Variants in CLDN10 observed in about 807,000 individuals in gnomAD.
The protein encoded by CLDN10 is claudin 10.
In CLDN10, 15 loss-of-function variants were observed where a neutral mutation model predicts 22.9. The ratio of observed to expected loss-of-function variants is 0.65; its 90% CI spans 0.44 to 1.01. CLDN10 has a LOEUF of 1.01. Among genes scored for constraint, CLDN10 ranks in the 50% least tolerant of loss-of-function variants. The probability of loss-of-function intolerance (pLI) is 0.00; values close to 1 mark genes in which losing one functional copy is unlikely to be tolerated. For synonymous variants in CLDN10, 114 were observed against 111.4 expected, an observed-to-expected ratio of 1.02 and a Z score of -0.15; for missense variants, 247 against 287.8, an observed-to-expected ratio of 0.86 and a Z score of 1.03.
chr13:95,477,467 G>A (rs1183243763), intron 1 of CLDN10, among the ~76,000 whole-genome samples: 3 of 152,134 alleles, frequency 2.0e-5, no homozygotes, highest in African/African-American at 4.8e-5. Flanking sequence ...CATATCACCC[G>A]GAGGACTCCT....
At chr13:95,480,157 C>T (rs1594548964) in intron 1 of CLDN10, among the ~76,000 whole-genome samples, 1 of 152,126 alleles carries the variant, frequency 6.6e-6, no homozygotes, top group Non-Finnish European at 1.5e-5. Context: ...TCTTGTGAGA[C>T]TCACGATCAC....
At chr13:95,551,311 G>A (rs193023848), upstream of CLDN10, among the ~76,000 whole-genome samples, 2 of 152,326 alleles carry the variant, frequency 1.3e-5, no homozygotes, top group Admixed American at 1.3e-4. Flanking sequence ...AAACAGAATA[G>A]ATACGTTGCC....
chr13:95,500,983 G>C (rs558062396), intron 1 of CLDN10, among the ~76,000 whole-genome samples: 22 of 151,556 alleles, frequency 1.5e-4, no homozygotes, highest in Non-Finnish European at 2.9e-4. Context: ...GATCATTTTG[G>C]TCTTTTTAAA....
intron 1 of CLDN10, among the ~76,000 whole-genome samples, chr13:95,538,626 G>A (rs1352963335): frequency 6.6e-6 from 1 of 152,112 alleles, no homozygotes; most frequent in Admixed American, 6.6e-5. Context: ...GCTGCATCTT[G>A]GCCAGCTTCC....
In CLDN10 at chr13:95,552,992, C is replaced by T. The variant is rs1403635224; in HGVS notation, c.220+19C>T. ...CTGGACGGTCTGCATCCCCGCGGCC[C>T]CCGCCCTCAGCCCTCCTTCCTTGAT... On this transcript the variant is annotated intron_variant, in intron 1 of 4. Transcript: ENST00000299339. The T allele has an allele frequency of 1.2e-6, 2 of 1,612,410 alleles. No individual in the cohort carries two copies. Among genetic ancestry groups the T allele is most frequent in the Non-Finnish European group, 8.5e-7 (1 of 1,179,602 alleles).
At position 95,459,474 on chromosome 13, in the gene CLDN10, T is replaced by C. The variant is rs572476287; in HGVS notation, c.214+25427T>C. 3.3e-5 allele frequency among the ~76,000 whole-genome samples: 5 copies of C among 152,358 alleles called. No homozygotes were observed. The South Asian group carries it at 1.0e-3, about 32-fold the overall frequency. On this transcript the variant is annotated intron_variant, in intron 1 of 4. Transcript: ENST00000376873. The stretch of plus-strand genomic sequence containing the variant: ...AGGTTCTCAAACCTCAATTATTAAC[T>C]TCTGTGCACCTGAAGGCCCAACACA...
intron 1 of CLDN10, among the ~76,000 whole-genome samples, chr13:95,491,685 G>A (rs1479804006): frequency 6.6e-6 from 1 of 151,798 alleles, no homozygotes; most frequent in South Asian, 2.1e-4. Flanking sequence ...ATTTCTTCTT[G>A]GTTTGGATCC....
At chr13:95,509,334 G>A (rs1014866191) in intron 1 of CLDN10, among the ~76,000 whole-genome samples, 1 of 152,194 alleles carries the variant, frequency 6.6e-6, no homozygotes, top group African/African-American at 2.4e-5. Flanking sequence ...ACAATGGCAA[G>A]TGTATGAAGA....
chr13:95,508,883 G>T (rs9524994), intron 1 of CLDN10, among the ~76,000 whole-genome samples: 47,984 of 152,078 alleles, frequency 0.32, 8,980 homozygotes, highest in Non-Finnish European at 0.41. Flanking sequence ...GATGAGCGTT[G>T]TTTCATAAGG....
chr13:95,478,894 G>A (rs2139112232), intron 1 of CLDN10, among the ~76,000 whole-genome samples: 1 of 152,334 alleles, frequency 6.6e-6, no homozygotes, highest in South Asian at 2.1e-4. Flanking sequence ...GGAGTTATAG[G>A]TCACTGGCCA....
rs368313176 is a variant in CLDN10 at position 95,552,940 on chromosome 13, T to C, written c.187T>C (p.Cys63Arg). The C allele has an allele frequency of 1.7e-4, 278 of 1,613,956 alleles. 1 individual carries two copies. The highest frequency in any genetic ancestry group is 2.3e-4 in the Non-Finnish European group (277 of 1,180,000). The change falls in exon 1 of 5, where the codon TGC becomes CGC. Residue 63 changes from cysteine to arginine, a missense_variant. By Grantham distance (180) the Cys-to-Arg change is radical. Coordinates refer to ENST00000299339, the MANE Select transcript of CLDN10 (RefSeq NM_006984.5). ...CVTDSTGVSN[C>R]KDFPSMLALD... is the part of the protein sequence containing the mutation. ...TACCGACTCCACGGGCGTCTCCAAC[T>C]GCAAGGACTTCCCCTCCATGCTGGC... is the stretch of plus-strand genomic sequence containing the variant.
intron 1 of CLDN10, among the ~76,000 whole-genome samples, chr13:95,436,127 A>G (rs2042268594): frequency 6.6e-6 from 1 of 152,096 alleles, no homozygotes. Flanking sequence ...ACACATCATC[A>G]CAGAGTTAGG....
chr13:95,459,421 TTCCATACA>T (rs2042513651), intron 1 of CLDN10, among the ~76,000 whole-genome samples: 1 of 152,194 alleles, frequency 6.6e-6, no homozygotes, highest in African/African-American at 2.4e-5. Context: ...ATCTGGGCAT[TTCCATACA>T]TCCTCTGAAA....
chr13:95,524,188 T>A (rs1354036830), intron 1 of CLDN10, among the ~76,000 whole-genome samples: 2 of 151,808 alleles, frequency 1.3e-5, no homozygotes, highest in African/African-American at 4.8e-5. Flanking sequence ...ATCACAATGA[T>A]GGCTATAGTT....
intron 1 of CLDN10, among the ~76,000 whole-genome samples, chr13:95,456,573 T>C (rs1170709424): frequency 1.3e-5 from 2 of 151,948 alleles, no homozygotes. Flanking sequence ...GGCAACATAA[T>C]AAGACGCCTG....
intron 1 of CLDN10, among the ~76,000 whole-genome samples, chr13:95,485,114 C>T (rs80010434): frequency 0.074 from 10,918 of 146,764 alleles, 458 homozygotes; most frequent in Middle Eastern, 0.1. Context: ...CAGAGAGCCA[C>T]GTGGGGGTTG....
At chr13:95,531,763 G>T (rs1238847412) in intron 1 of CLDN10, among the ~76,000 whole-genome samples, 1 of 149,534 alleles carries the variant, frequency 6.7e-6, no homozygotes, top group African/African-American at 2.5e-5. Flanking sequence ...GGCTGCTCTC[G>T]AACTCCTGAT....
At chr13:95,556,606 A>G (rs1475398796) in intron 1 of CLDN10, among the ~76,000 whole-genome samples, 1 of 152,198 alleles carries the variant, frequency 6.6e-6, no homozygotes, top group Non-Finnish European at 1.5e-5. Context: ...TCCCTGTTTT[A>G]CAGATGAGAG....
At chr13:95,495,917 TACTGG>T (rs2042925326) in intron 1 of CLDN10, among the ~76,000 whole-genome samples, 1 of 152,216 alleles carries the variant, frequency 6.6e-6, no homozygotes, top group African/African-American at 2.4e-5. Context: ...TAACATTTAA[TACTGG>T]ACTGTTCTTT....
Sources: gnomAD v4.1 joint callset for allele counts (sites outside exome capture counted in the v4.1 genomes callset) on GRCh38, gnomAD v4.1.1 for gene constraint, MANE v1.5 for transcripts, NCBI Gene and HGNC (gene_info 2026-07-23, HGNC 2026-07-21) for gene names.